PCDHGB3: variants seen among roughly 807,000 people sequenced by gnomAD.
The protein encoded by PCDHGB3 is protocadherin gamma subfamily B, 3.
PCDHGB3 carries 40 observed loss-of-function variants against 59.2 expected under a neutral mutation model. The ratio of observed to expected loss-of-function variants is 0.68; its 90% confidence interval spans 0.52 to 0.88. PCDHGB3 has a LOEUF of 0.88. Ranked by LOEUF, PCDHGB3 falls within the 40% of genes least tolerant of loss-of-function variation. The pLI, the probability that PCDHGB3 is intolerant of heterozygous loss-of-function variation, is 0.00. For synonymous variants in PCDHGB3, 581 were observed against 503.6 expected (o/e 1.15, Z -2.06); for missense variants, 1,309 against 1,187.9 (o/e 1.10, Z -1.50).
intron 1 of PCDHGB3, chr5:141,394,857 G>A: frequency 6.2e-7 from 1 of 1,613,832 alleles, no homozygotes; most frequent in Non-Finnish European, 8.5e-7. Context: ...GAAGCCTTCG[G>A]TCGACCCGAA....
rs545421792 is a variant in PCDHGB3 at position 141,414,806 on chromosome 5, C to T, written c.2415+41997C>T. ...GTGACAGCCAGCGACAGCGGGGATC[C>T]TCCACTCAGCAGCAACGTGTCGTTG... On this transcript the variant is annotated intron_variant, in intron 1 of 3. Coordinates refer to ENST00000576222, the MANE Select transcript of PCDHGB3 (RefSeq NM_018924.5). 2.2e-5 allele frequency: 36 copies of T among 1,614,244 alleles called. No individual in the cohort carries two copies. The South Asian group carries it at 3.1e-4, about 14-fold the overall frequency.
chr5:141,498,994 AAGG>A (rs1310594976), intron 2 of PCDHGB3, among the ~76,000 whole-genome samples: 4 of 148,560 alleles, frequency 2.7e-5, no homozygotes, highest in Non-Finnish European at 4.5e-5. Flanking sequence ...GGAAGGAAGG[AAGG>A]AAGGAAGGAA....
intron 1 of PCDHGB3, chr5:141,398,042 T>C: frequency 6.7e-7 from 1 of 1,495,000 alleles, no homozygotes; most frequent in East Asian, 2.4e-5. Context: ...CTAAAGCCCG[T>C]TCGGAGATCC....
intron 1 of PCDHGB3, chr5:141,410,555 C>T (rs768561351): frequency 1.9e-6 from 3 of 1,613,084 alleles, no homozygotes; most frequent in Middle Eastern, 1.6e-4. Context: ...CAGTGTTTCT[C>T]CTGGAGCCTT....
chr5:141,423,067 G>A (rs757110751), intron 1 of PCDHGB3: 10 of 1,614,024 alleles, frequency 6.2e-6, no homozygotes, highest in South Asian at 5.5e-5. Context: ...TAAGGCCAGC[G>A]AGCCGGGACT....
At chr5:141,468,415 G>A (rs1040067190) in intron 1 of PCDHGB3, 5 of 151,704 alleles carry the variant, frequency 3.3e-5, no homozygotes, top group Non-Finnish European at 7.4e-5. Context: ...TAATAAGTTA[G>A]ATAGCAAGGT....
chr5:141,499,599 C>G (rs2099792919), intron 2 of PCDHGB3, among the ~76,000 whole-genome samples: 2 of 152,102 alleles, frequency 1.3e-5, no homozygotes, highest in South Asian at 4.1e-4. Context: ...TCACCTATAT[C>G]CCTACCCTTA....
chr5:141,418,045 G>C (rs754041387), intron 1 of PCDHGB3: 2 of 1,614,002 alleles, frequency 1.2e-6, no homozygotes, highest in Admixed American at 1.7e-5. Context: ...TGGATGTGTC[G>C]GCTCGCGAGC....
In PCDHGB3 at chr5:141,491,491, G is replaced by C. The variant is rs2099717103; in HGVS notation, c.2416-3316G>C. The C allele has an allele frequency of 1.2e-6, 2 of 1,614,042 alleles. No homozygotes were observed. The highest frequency in any genetic ancestry group is 1.7e-5 in the Admixed American group (1 of 60,016). The stretch of plus-strand genomic sequence containing the variant: ...TAAGCAGTCCAGCCCCAACCTGCAG[G>C]TGAGCTCGGACGGCACGCTCAAGTA... On this transcript the variant is annotated intron_variant, in intron 1 of 3. Transcript: ENST00000576222. The surrounding 1 kb of genome is among the most constrained non-coding windows in gnomAD (Gnocchi z 6.9).
chr5:141,417,232 G>C (rs997894028), intron 1 of PCDHGB3: 5 of 152,072 alleles, frequency 3.3e-5, no homozygotes, highest in Non-Finnish European at 7.4e-5. Flanking sequence ...AAAATTTGTT[G>C]CTTATCTTCA....
At chr5:141,446,447 A>G (rs2098502204) in intron 1 of PCDHGB3, among the ~76,000 whole-genome samples, 1 of 151,946 alleles carries the variant, frequency 6.6e-6, no homozygotes, top group Non-Finnish European at 1.5e-5. Context: ...AACAGTGCAG[A>G]TATTCAGTGT....
intron 1 of PCDHGB3, chr5:141,393,501 G>A (rs754946327): frequency 1.2e-6 from 2 of 1,614,044 alleles, no homozygotes; most frequent in Non-Finnish European, 1.7e-6. Flanking sequence ...GCGCATCCAC[G>A]TGACAGTGTT....
chr5:141,408,643 C>G (rs751905674), intron 1 of PCDHGB3: 2 of 1,613,910 alleles, frequency 1.2e-6, no homozygotes, highest in Admixed American at 1.7e-5. Context: ...AATCTGCATC[C>G]GCTGGTACAC....
intron 1 of PCDHGB3, among the ~76,000 whole-genome samples, chr5:141,492,080 G>A (rs576661909): frequency 6.6e-6 from 1 of 152,352 alleles, no homozygotes; most frequent in African/African-American, 2.4e-5. Context: ...GCCGGCTCCG[G>A]CACGCTTCGC....
At chr5:141,381,826 C>CTTCTTTTTTTTTTTTTTT (rs1777532522) in intron 1 of PCDHGB3, among the ~76,000 whole-genome samples, 1 of 74,284 alleles carries the variant, frequency 1.3e-5, no homozygotes, top group African/African-American at 6.2e-5. Flanking sequence ...CTTTCTTCTT[C>CTTCTTTTTTTTTTTTTTT]TTTTTTTTTT....
chr5:141,383,980 C>G lies in PCDHGB3; in HGVS notation c.2415+11171C>G, dbSNP rs145468093. The G allele has an allele frequency of 9.9e-5, 159 of 1,613,694 alleles. No homozygotes were observed. In the East Asian group the frequency reaches 3.5e-3, roughly 35 times the overall value. Reference sequence around the variant, plus strand: ...AAGTAGCTCAATCCCTGAAGACACACCTCTTGGGACAGTCATTGCTCTTTT... The same window carrying G: ...AAGTAGCTCAATCCCTGAAGACACAGCTCTTGGGACAGTCATTGCTCTTTT... On this transcript the variant is annotated intron_variant, in intron 1 of 3. Transcript: ENST00000576222.
intron 1 of PCDHGB3, among the ~76,000 whole-genome samples, chr5:141,438,629 TATATATACACAC>T (rs1343412075): frequency 0.05 from 2,378 of 47,602 alleles, 22 homozygotes; most frequent in African/African-American, 0.12. Context: ...TATATATATA[TATATATACACAC>T]ACACACACAC....
At chr5:141,416,722 A>C (rs891558095) in intron 1 of PCDHGB3, 3 of 152,258 alleles carry the variant, frequency 2.0e-5, no homozygotes, top group African/African-American at 7.2e-5. Context: ...TGATGAGTTC[A>C]TTTAGTTCAA....
At chr5:141,422,446 A>G in intron 1 of PCDHGB3, 1 of 1,610,700 alleles carries the variant, frequency 6.2e-7, no homozygotes, top group South Asian at 1.1e-5. Context: ...CAAATTGATA[A>G]CAAGCAGAGT....
Sources: gnomAD v4.1 joint callset for allele counts (sites outside exome capture counted in the v4.1 genomes callset) on GRCh38, gnomAD v4.1.1 for gene constraint, Gnocchi (gnomAD v3.1) non-coding constraint, MANE v1.5 for transcripts, NCBI Gene and HGNC (gene_info 2026-07-23, HGNC 2026-07-21) for gene names.